MYCBPAP: variants seen among roughly 807,000 people sequenced by gnomAD.
MYCBPAP encodes MYCBP-associated protein.
A neutral mutation model predicts 106.1 loss-of-function variants in MYCBPAP; 60 were observed. The observed-to-expected ratio is 0.57, with a 90% CI of 0.46 to 0.70. MYCBPAP has a LOEUF of 0.70. Among genes scored for constraint, MYCBPAP ranks in the 30% least tolerant of loss-of-function variants. The probability of loss-of-function intolerance (pLI) is 0.00; values close to 1 mark genes in which losing one functional copy is unlikely to be tolerated. For missense variants in MYCBPAP, 1,064 were observed against 1,169.3 expected (o/e 0.91, Z 1.31); for synonymous variants, 407 against 440.6 (o/e 0.92, Z 0.95).
At chr17:50,525,803 A>G in intron 13 of MYCBPAP, 78 bp from the exon 14 acceptor site, 2 of 1,485,916 alleles carry the variant, frequency 1.3e-6, no homozygotes, top group Non-Finnish European at 1.8e-6. Context: ...TGTACTATTT[A>G]TGTCCTTATT....
chr17:50,519,058 A>G lies in MYCBPAP; in HGVS notation c.737A>G (p.Asp246Gly), dbSNP rs761142813. ...RRIQEERELI[D>G]CTLPTRRDRK... ...ATCCAGGAGGAGCGGGAGCTCATTG[A>G]CTGCACACTTCCAACCCGGCGTGAT... is the stretch of plus-strand genomic sequence containing the variant. The change falls in exon 6 of 19, where the codon GAC (aspartate) becomes GGC (glycine). Residue 246 changes from aspartate to glycine, a missense_variant. Coordinates refer to ENST00000323776, the MANE Select transcript of MYCBPAP (RefSeq NM_032133.6). 8.1e-6 allele frequency: 13 copies of G among 1,606,850 alleles called. No homozygotes were observed. The highest frequency in any genetic ancestry group is 5.1e-6 in the Non-Finnish European group (6 of 1,177,874).
In MYCBPAP at chr17:50,521,364, GT is replaced by G; in HGVS notation, c.1083del (p.Thr362LeufsTer22). ...VVGKGWPFSA[V>X]TVEDYTVFER... ...GGGCAAAGGGTGGCCCTTCTCGGCT[GT>G]TACTGTGGAAGACTACACAGTGTTT... On this transcript the variant is annotated frameshift_variant, in exon 9 of 19. Transcript: ENST00000323776. LOFTEE classifies it high-confidence loss of function. The G allele has an allele frequency of 6.2e-7, 1 of 1,606,466 alleles. No individual in the cohort carries two copies. Among genetic ancestry groups the G allele is most frequent in the South Asian group, 1.1e-5 (1 of 89,328 alleles).
intron 15 of MYCBPAP, among the ~76,000 whole-genome samples, chr17:50,527,660 G>A (rs1266568793): frequency 1.3e-5 from 2 of 152,122 alleles, no homozygotes; most frequent in African/African-American, 4.8e-5. Flanking sequence ...GTGAGCAGGG[G>A]AATGGAAAAA....
rs1259342348 is a variant in MYCBPAP at position 50,528,201 on chromosome 17, A to AT, written c.2339dup (p.Met780IlefsTer11). The AT allele has an allele frequency of 6.2e-7, 1 of 1,614,084 alleles. No homozygotes were observed. Among genetic ancestry groups the AT allele is most frequent in the Non-Finnish European group, 8.5e-7 (1 of 1,180,036 alleles). ...GATTGACAGCCTGGTGGGCCATTCC[A>AT]TGTGGCTGAGGTCTGTGCTGGGCCT... is the stretch of plus-strand genomic sequence containing the variant. On this transcript the variant is annotated frameshift_variant, in exon 16 of 19. Coordinates refer to ENST00000323776, the MANE Select transcript of MYCBPAP (RefSeq NM_032133.6). LOFTEE classifies it high-confidence loss of function.
At chr17:50,524,841 C>T (rs371369421) in intron 12 of MYCBPAP, 36 bp from the exon 13 acceptor site, 1 of 1,604,268 alleles carries the variant, frequency 6.2e-7, no homozygotes, top group Admixed American at 1.7e-5. Context: ...TTTTGATAGC[C>T]TGGGCTGCCA....
chr17:50,521,151 G>A lies in MYCBPAP; in HGVS notation c.958G>A (p.Asp320Asn). 2 of 1,613,758 alleles carry A rather than the reference G, an allele frequency of 1.2e-6. No homozygotes were observed. Among genetic ancestry groups the A allele is most frequent in the Non-Finnish European group, 1.7e-6 (2 of 1,179,958 alleles). ...GGACGCTTCATACCGCTACACCTGG[G>A]ATCGGAGTCTGTTTCTGATCTACCG... Reference protein sequence around the residue: ...QRDASYRYTWDRSLFLIYRRK... With the variant: ...QRDASYRYTWNRSLFLIYRRK... Residue 320 changes from aspartate (D) to asparagine (N), a missense_variant, in exon 8 of 19, where the codon GAT becomes AAT. Coordinates refer to ENST00000323776, the MANE Select transcript of MYCBPAP (RefSeq NM_032133.6).
At chr17:50,508,410 C>T (rs1341118558), upstream of MYCBPAP, 7 of 782,732 alleles carry the variant, frequency 8.9e-6, no homozygotes, top group African/African-American at 1.9e-5. Flanking sequence ...CTCGTCGGCG[C>T]CGCCTGTGGC....
Position 50,531,402 on chromosome 17 carries a change from G to T in MYCBPAP, c.2800G>T (p.Glu934Ter). The T allele has an allele frequency of 6.2e-7, 1 of 1,613,236 alleles. No homozygotes were observed. Among genetic ancestry groups the T allele is most frequent in the Non-Finnish European group, 8.5e-7 (1 of 1,179,728 alleles). Reference protein sequence around the residue: ...ADELSPIKNVEEALRLCR With the variant: ...ADELSPIKNV Reference sequence around the variant, plus strand: ...TGAGCTCAGCCCCATAAAGAATGTCGAGGAGGCTTTGCGCCTCTGCAGGTG... The same window carrying T: ...TGAGCTCAGCCCCATAAAGAATGTCTAGGAGGCTTTGCGCCTCTGCAGGTG... The change falls in exon 19 of 19, where the codon GAG becomes TAG. Residue 934 changes from glutamate to a stop codon, truncating the protein, a stop_gained. Coordinates refer to ENST00000323776, the MANE Select transcript of MYCBPAP (RefSeq NM_032133.6). LOFTEE classifies it high-confidence loss of function.
chr17:50,509,384 G>T, intron 1 of MYCBPAP: 1 of 483,538 alleles, frequency 2.1e-6, no homozygotes, highest in Non-Finnish European at 3.8e-6. Flanking sequence ...ACCCTCTACA[G>T]CTTTCTTCTG....
At position 50,508,701 on chromosome 17, in the gene MYCBPAP, C is replaced by T; in HGVS notation, c.27C>T (p.Arg9=). The T allele has an allele frequency of 6.2e-7, 1 of 1,611,764 alleles. No individual in the cohort carries two copies. Among genetic ancestry groups the T allele is most frequent in the Non-Finnish European group, 8.5e-7 (1 of 1,178,890 alleles). MKSLKKDS[R]LRITPTRLLE... is the part of the protein sequence containing the mutation. ...TGAAGTCTCTAAAGAAGGATTCCCG[C>T]CTCAGAATAACTCCGACCAGATTAT... The change falls in exon 1 of 19, where the codon CGC becomes CGT. Residue 9 remains arginine, a synonymous_variant. Coordinates refer to ENST00000323776, the MANE Select transcript of MYCBPAP (RefSeq NM_032133.6).
rs370929295 is a variant in MYCBPAP at position 50,528,301 on chromosome 17, G to A, written c.2407+31G>A. On this transcript the variant is annotated intron_variant, in intron 16 of 18. Coordinates refer to ENST00000323776, the MANE Select transcript of MYCBPAP (RefSeq NM_032133.6). ...ATCTTGTGCAACCAACCACACCTCTGCATAGCCCTCCTCATCTCTCTGAAT... is the reference window on the plus strand; with the variant it reads ...ATCTTGTGCAACCAACCACACCTCTACATAGCCCTCCTCATCTCTCTGAAT... 1.2e-5 allele frequency: 18 copies of A among 1,526,770 alleles called. No homozygotes were observed. In the African/African-American group the frequency reaches 2.3e-4, roughly 20 times the overall value. The allele number at this position is 1,526,770 out of a possible 1,614,324, so 94.6% of individuals were successfully genotyped here.
In MYCBPAP at chr17:50,521,326, G is replaced by C. The variant is rs757090009; in HGVS notation, c.1043G>C (p.Gly348Ala). The stretch of plus-strand genomic sequence containing the variant: ...CTCCATCTCTCGGAGGATATTGATG[G>C]CCTGGAGGTGGTGGGCAAAGGGTGG... ...ELDFSQQDID[G>A]LEVVGKGWPF... is the part of the protein sequence containing the mutation. The change falls in exon 9 of 19, where the codon GGC becomes GCC. Residue 348 changes from glycine (G) to alanine (A), a missense_variant. Transcript: ENST00000323776. 17 of 1,602,672 alleles carry C rather than the reference G, an allele frequency of 1.1e-5. No individual in the cohort carries two copies. The highest frequency in any genetic ancestry group is 1.4e-5 in the Non-Finnish European group (17 of 1,173,888).
Position 50,525,899 on chromosome 17 carries a change from G to C in MYCBPAP, c.1801G>C (p.Val601Leu). The C allele has an allele frequency of 6.2e-7, 1 of 1,608,498 alleles. No homozygotes were observed. Among genetic ancestry groups the C allele is most frequent in the Non-Finnish European group, 8.5e-7 (1 of 1,178,334 alleles). ...GCTGCAGCTGCATTATGAGCACCAA[G>C]TGGTGCAAAGCCTGCACCAACTGTG... ...RNPPLHYEHQ[V>L]VQSLHQLWRQ... The change falls in exon 14 of 19, where the codon GTG becomes CTG. Residue 601 changes from valine to leucine, a missense_variant. By Grantham distance (32) the Val-to-Leu change is conservative (BLOSUM62 1). Transcript: ENST00000323776.
chr17:50,524,681 G>A (rs561412213), intron 12 of MYCBPAP, among the ~76,000 whole-genome samples, 196 bp from the exon 13 acceptor site: 1 of 151,254 alleles, frequency 6.6e-6, no homozygotes, highest in Non-Finnish European at 1.5e-5. Flanking sequence ...TGTCTGGAGA[G>A]ACTCAGAGGT....
At position 50,529,924 on chromosome 17, in the gene MYCBPAP, GTTGT is replaced by G. The variant is rs531191951; in HGVS notation, c.2724+743_2724+746del. The G allele has an allele frequency of 1.5e-3, 659 of 440,098 alleles. 7 individuals carry two copies. Among genetic ancestry groups the G allele is most frequent in the African/African-American group, 0.012 (614 of 49,680 alleles). 27.3% of individuals were successfully genotyped at this position (440,098 alleles called of 1,614,324 possible). On this transcript the variant is annotated intron_variant, in intron 18 of 18. Coordinates refer to ENST00000323776, the MANE Select transcript of MYCBPAP (RefSeq NM_032133.6). The stretch of plus-strand genomic sequence containing the variant: ...GTTTTCCGTTTTGTTTGTTAGTGTT[GTTGT>G]TTGTTTTGGAGGGGAGGTCCACAAA...
At chr17:50,528,322 T>C in intron 16 of MYCBPAP, 52 bp downstream of exon 16, 2 of 1,434,052 alleles carry the variant, frequency 1.4e-6, no homozygotes, top group East Asian at 4.8e-5. Flanking sequence ...CTCATCTCTC[T>C]GAATGGACAA....
rs2034524188 is a variant in MYCBPAP, at chr17:50,528,272, T to G, written c.2407+2T>G. 6.2e-7 allele frequency: 1 copy of G among 1,611,070 alleles called. No homozygotes were observed. Among genetic ancestry groups the G allele is most frequent in the Non-Finnish European group, 8.5e-7 (1 of 1,178,186 alleles). ...ATTTGAATGTGCCTGAAGAGCAAGG[T>G]CAGATCTTGTGCAACCAACCACACC... On this transcript the variant is annotated splice_donor_variant, in intron 16 of 18. Coordinates refer to ENST00000323776, the MANE Select transcript of MYCBPAP (RefSeq NM_032133.6). LOFTEE classifies it high-confidence loss of function.
At chr17:50,512,262 G>T (rs888593187) in intron 1 of MYCBPAP, among the ~76,000 whole-genome samples, 2 of 152,068 alleles carry the variant, frequency 1.3e-5, no homozygotes, top group African/African-American at 4.8e-5. Context: ...CACTGTGTTA[G>T]CCAGGATGGT....
Position 50,508,492 on chromosome 17 carries a change from C to T in MYCBPAP, c.-183C>T. ...AAGCCGCCGGCGGCGGGCGCGTGCG[C>T]GGCCCGATGAAGAAGGAGGTTTCCA... On this transcript the variant is annotated 5_prime_UTR_variant, in exon 1 of 19. Coordinates refer to ENST00000323776, the MANE Select transcript of MYCBPAP (RefSeq NM_032133.6). 1 of 1,486,732 alleles carries T rather than the reference C, an allele frequency of 6.7e-7. No individual in the cohort carries two copies. The highest frequency in any genetic ancestry group is 9.0e-7 in the Non-Finnish European group (1 of 1,111,488). The allele number at this position is 1,486,732 out of a possible 1,614,324, so 92.1% of individuals were successfully genotyped here.
Sources: allele counts gnomAD v4.1 joint callset (sites outside exome capture counted in the v4.1 genomes callset), GRCh38; gene constraint gnomAD v4.1.1; transcripts MANE v1.5; gene names NCBI Gene and HGNC (gene_info 2026-07-23, HGNC 2026-07-21).